The following RP1 variants were observed in gnomAD, a reference collection of about 807,000 sequenced individuals.
RP1 encodes oxygen-regulated protein 1.
A neutral mutation model predicts 14.8 loss-of-function variants in RP1; 16 were observed. That is an observed-to-expected ratio of 1.08 (90% CI 0.73 to 1.65). RP1 has a LOEUF of 1.65. Among genes scored for constraint, RP1 ranks in the 40% most tolerant of loss-of-function variants. RP1 has a pLI of 0.00. For missense variants in RP1, 2,631 were observed against 2,535.0 expected (o/e 1.04, Z -0.81); for synonymous variants, 876 against 883.6 (o/e 0.99, Z 0.15).
chr8:54,740,673 G>A (rs1809057468), intron 19 of RP1, among the ~76,000 whole-genome samples: 1 of 151,868 alleles, frequency 6.6e-6, no homozygotes, highest in Non-Finnish European at 1.5e-5. Context: ...AGTGAGCCAA[G>A]ATCACACCAC....
intron 1 of RP1, among the ~76,000 whole-genome samples, chr8:54,607,657 G>T (rs957965182): frequency 1.3e-5 from 2 of 152,162 alleles, no homozygotes; most frequent in African/African-American, 2.4e-5. Flanking sequence ...GTCTATAGAG[G>T]CAGGCAGGCC....
intron 9 of RP1, among the ~76,000 whole-genome samples, chr8:54,679,261 GATTTTCT>G (rs1224340117): frequency 1.3e-5 from 2 of 152,166 alleles, no homozygotes; most frequent in Non-Finnish European, 2.9e-5. Flanking sequence ...GTCATTTTAG[GATTTTCT>G]TTTCCATTCT....
intron 15 of RP1, among the ~76,000 whole-genome samples, chr8:54,715,530 G>A (rs74704361): frequency 0.028 from 4,330 of 152,200 alleles, 121 homozygotes; most frequent in African/African-American, 0.063. Context: ...GGACAAATAC[G>A]CATACCACAT....
At chr8:54,610,172 C>T (rs1025907927) in intron 1 of RP1, among the ~76,000 whole-genome samples, 11 of 152,198 alleles carry the variant, frequency 7.2e-5, no homozygotes, top group African/African-American at 1.2e-4. Flanking sequence ...CTCAGCACTC[C>T]TCTTACTTGA....
chr8:54,798,949 G>A (rs1051892654), intron 24 of RP1, among the ~76,000 whole-genome samples: 1 of 151,696 alleles, frequency 6.6e-6, no homozygotes, highest in African/African-American at 2.4e-5. Flanking sequence ...ATAGAACTAT[G>A]ATAGCAAAAA....
At chr8:54,851,196 C>T (rs1005114450) in intron 25 of RP1, among the ~76,000 whole-genome samples, 3 of 152,112 alleles carry the variant, frequency 2.0e-5, no homozygotes, top group African/African-American at 7.2e-5. Flanking sequence ...CAGGAAGCTG[C>T]ATGATTTCAT....
chr8:54,627,394 C>G lies in RP1; in HGVS notation c.3512C>G (p.Ala1171Gly). The change falls in exon 4 of 4, where the codon GCT (alanine) becomes GGT (glycine). Residue 1171 changes from alanine to glycine, a missense_variant. Coordinates refer to ENST00000220676, the MANE Select transcript of RP1 (RefSeq NM_006269.2). ...TTGTTGGAGATTCTAAAGCACATAG[C>G]TATCACAGAGGAAGCTGATGACTTG... The part of the protein sequence containing the change: ...LALLEILKHI[A>G]ITEEADDLKA... 1 of 1,614,154 alleles carries G rather than the reference C, an allele frequency of 6.2e-7. No individual in the cohort carries two copies. The highest frequency in any genetic ancestry group is 2.2e-5 in the East Asian group (1 of 44,890).
chr8:54,710,053 C>A (rs1469518994), intron 15 of RP1, among the ~76,000 whole-genome samples: 1 of 152,138 alleles, frequency 6.6e-6, no homozygotes, highest in Non-Finnish European at 1.5e-5. Flanking sequence ...TGACGCCTAA[C>A]CCTGGCAGTG....
intron 25 of RP1, among the ~76,000 whole-genome samples, chr8:54,844,268 C>T (rs1811861949): frequency 6.6e-6 from 1 of 152,150 alleles, no homozygotes; most frequent in East Asian, 1.9e-4. Context: ...ATATTTAGCT[C>T]AATTTATTTA....
intron 14 of RP1, among the ~76,000 whole-genome samples, chr8:54,705,230 T>C (rs1195473244): frequency 1.3e-5 from 2 of 152,102 alleles, no homozygotes; most frequent in Admixed American, 1.3e-4. Context: ...AAAATTGTTA[T>C]ACTCAAAGTT....
chr8:54,709,398 T>C (rs1268727154), intron 15 of RP1, among the ~76,000 whole-genome samples: 1 of 152,134 alleles, frequency 6.6e-6, no homozygotes, highest in Non-Finnish European at 1.5e-5. Flanking sequence ...AATGCCAGGT[T>C]CAGGACTTCT....
At chr8:54,591,418 C>T (rs1052780813) in intron 1 of RP1, among the ~76,000 whole-genome samples, 2 of 152,028 alleles carry the variant, frequency 1.3e-5, no homozygotes, top group South Asian at 2.1e-4. Flanking sequence ...TACATTTCTT[C>T]TGTATCTTTG....
chr8:54,754,985 T>G, intron 20 of RP1: 1 of 1,412,084 alleles, frequency 7.1e-7, no homozygotes, highest in Non-Finnish European at 9.2e-7. Flanking sequence ...AATTGTTTGG[T>G]AGTTGCTTAA....
At chr8:54,842,918 G>C (rs1441374409) in intron 25 of RP1, among the ~76,000 whole-genome samples, 2 of 152,132 alleles carry the variant, frequency 1.3e-5, no homozygotes, top group Non-Finnish European at 2.9e-5. Flanking sequence ...TGCATGGTCA[G>C]CTCTTCATCT....
intron 24 of RP1, among the ~76,000 whole-genome samples, chr8:54,803,654 G>C (rs1450381944): frequency 6.6e-6 from 1 of 152,062 alleles, no homozygotes; most frequent in Admixed American, 6.6e-5. Context: ...ATATTATGTA[G>C]TGAAAAAAGG....
chr8:54,663,554 A>C lies in RP1; in HGVS notation c.1172-145A>C, dbSNP rs956423374. 4 of 632,790 alleles carry C rather than the reference A, an allele frequency of 6.3e-6. No homozygotes were observed. In the African/African-American group the frequency reaches 7.5e-5, roughly 12 times the overall value. 39.2% of individuals were successfully genotyped at this position (632,790 alleles called of 1,614,324 possible). ...ATCAATAGGGAAAAACATAGTATATATAGAATTTTTTACTGCCTGTGGTTT... is the reference window on the plus strand; with the variant it reads ...ATCAATAGGGAAAAACATAGTATATCTAGAATTTTTTACTGCCTGTGGTTT... On this transcript the variant is annotated intron_variant, in intron 6 of 22. Transcript: ENST00000636932.
At chr8:54,638,274 C>T (rs1417821370) in intron 3 of RP1, among the ~76,000 whole-genome samples, 1 of 152,002 alleles carries the variant, frequency 6.6e-6, no homozygotes, top group Non-Finnish European at 1.5e-5. Context: ...CCTGTCTCTA[C>T]TAAAATACAA....
chr8:54,847,873 G>A (rs1811967515), intron 25 of RP1, among the ~76,000 whole-genome samples: 1 of 152,330 alleles, frequency 6.6e-6, no homozygotes, highest in Admixed American at 6.5e-5. Flanking sequence ...GGAGCAGTGC[G>A]GGGCTCTGAG....
rs867817467 is a variant in RP1 at position 54,607,088 on chromosome 8, G to A, written c.-12-13867G>A. On this transcript the variant is annotated intron_variant, in intron 1 of 22. Coordinates refer to the RP1 transcript ENST00000636932. Reference sequence around the variant, plus strand: ...CCAGCTTTGTTCCATTGCTGGTGAGGAGCTGTGTTCCTTTGGAGGAGGAGA... The same window carrying A: ...CCAGCTTTGTTCCATTGCTGGTGAGAAGCTGTGTTCCTTTGGAGGAGGAGA... Among the ~76,000 whole-genome samples the A allele has an allele frequency of 2.6e-5, 4 of 152,200 alleles. 1 individual carries two copies. In the South Asian group the frequency reaches 8.3e-4, roughly 31 times the overall value.
Sources: allele counts gnomAD v4.1 joint callset (sites outside exome capture counted in the v4.1 genomes callset), GRCh38; gene constraint gnomAD v4.1.1; transcripts MANE v1.5; gene names NCBI Gene and HGNC (gene_info 2026-07-23, HGNC 2026-07-21).